Variants in CHODL observed in about 807,000 individuals in gnomAD.
The protein encoded by CHODL is transmembrane protein MT75.
A neutral mutation model predicts 34.5 loss-of-function variants in CHODL; 29 were observed. The observed-to-expected ratio is 0.84, with a 90% CI of 0.63 to 1.15. The LOEUF is 1.15. CHODL is among the 50% of genes most tolerant of loss of function. The probability of loss-of-function intolerance (pLI) is 0.00; values close to 1 mark genes in which losing one functional copy is unlikely to be tolerated. For missense variants in CHODL, 332 were observed against 332.5 expected, an observed-to-expected ratio of 1.00 and a Z score of 0.01; for synonymous variants, 125 against 116.1, an observed-to-expected ratio of 1.08 and a Z score of -0.49.
intron 2 of CHODL, among the ~76,000 whole-genome samples, chr21:18,157,934 T>C (rs1485971434): frequency 2.0e-5 from 3 of 149,962 alleles, no homozygotes; most frequent in African/African-American, 7.4e-5. Flanking sequence ...AAACTGAAAA[T>C]AAATCTATTC....
chr21:17,945,963 GA>G (rs778395500), intron 1 of CHODL, among the ~76,000 whole-genome samples: 2 of 151,348 alleles, frequency 1.3e-5, no homozygotes, highest in Non-Finnish European at 1.5e-5. Context: ...AGTGCTGAAT[GA>G]AAAAAAAGTC....
intron 1 of CHODL, among the ~76,000 whole-genome samples, chr21:18,018,818 A>G (rs2064100378): frequency 6.6e-6 from 1 of 152,238 alleles, no homozygotes; most frequent in South Asian, 2.1e-4. Flanking sequence ...TGCTCCTTGT[A>G]TCTAAAATAA....
intron 1 of CHODL, among the ~76,000 whole-genome samples, chr21:17,954,287 G>A (rs1052515261): frequency 6.6e-6 from 1 of 152,080 alleles, no homozygotes; most frequent in Non-Finnish European, 1.5e-5. Context: ...CAGAAATAAA[G>A]GAAAGAAGAG....
intron 2 of CHODL, among the ~76,000 whole-genome samples, chr21:18,160,334 T>A (rs2073081424): frequency 6.6e-6 from 1 of 152,168 alleles, no homozygotes; most frequent in African/African-American, 2.4e-5. Flanking sequence ...TTTTTTCTCT[T>A]CTTTTTTTTA....
chr21:18,262,881 T>C lies in CHODL; in HGVS notation c.725T>C (p.Met242Thr). Residue 242 changes from methionine to threonine, a missense_variant, in exon 5 of 6, where the codon ATG becomes ACG. Met to Thr is a moderately conservative substitution (Grantham distance 81). Coordinates refer to ENST00000299295, the MANE Select transcript of CHODL (RefSeq NM_024944.3). ...LVAFGTCCFQ[M>T]LHKSKGRTKT... ...GCTTTTGGAACCTGTTGTTTCCAGA[T>C]GCTGCATAAAAGGTAAATAACTCAT... 1.3e-6 allele frequency: 2 copies of C among 1,596,122 alleles called. No individual in the cohort carries two copies. The highest frequency in any genetic ancestry group is 2.2e-5 in the South Asian group (2 of 90,696).
chr21:18,106,331 A>T (rs1204016231), intron 2 of CHODL, among the ~76,000 whole-genome samples: 2 of 152,160 alleles, frequency 1.3e-5, no homozygotes, highest in Non-Finnish European at 2.9e-5. Flanking sequence ...TGAAAACCTA[A>T]AATGTACTGA....
chr21:18,028,330 CCT>C (rs1243880166), intron 2 of CHODL, among the ~76,000 whole-genome samples: 1 of 141,758 alleles, frequency 7.1e-6, no homozygotes, highest in Admixed American at 7.6e-5. Flanking sequence ...TTCCTTCCTT[CCT>C]CTCTGTTTCT....
At chr21:18,114,130 C>G (rs575607299) in intron 2 of CHODL, among the ~76,000 whole-genome samples, 1 of 152,202 alleles carries the variant, frequency 6.6e-6, no homozygotes, top group South Asian at 2.1e-4. Flanking sequence ...GGATGGTTAC[C>G]AGATGCTGGG....
chr21:18,181,456 G>A (rs1306920026), intron 2 of CHODL, among the ~76,000 whole-genome samples: 2 of 152,230 alleles, frequency 1.3e-5, no homozygotes, highest in Non-Finnish European at 2.9e-5. Context: ...AGGCTGGAGT[G>A]CACTGGCGGG....
chr21:18,003,568 C>G (rs571492839), intron 1 of CHODL, among the ~76,000 whole-genome samples: 1 of 152,116 alleles, frequency 6.6e-6, no homozygotes. Context: ...GTTAATTATT[C>G]TATAAATAAC....
intron 1 of CHODL, among the ~76,000 whole-genome samples, chr21:17,977,359 TTTTAC>T (rs1470630399): frequency 7.1e-6 from 1 of 140,670 alleles, no homozygotes; most frequent in Non-Finnish European, 1.5e-5. Flanking sequence ...TTGTTGGCTG[TTTTAC>T]TTTTTTTTTT....
chr21:18,121,855 C>G (rs2065483462), intron 2 of CHODL, among the ~76,000 whole-genome samples: 1 of 152,170 alleles, frequency 6.6e-6, no homozygotes, highest in African/African-American at 2.4e-5. Flanking sequence ...ACGTCATCAA[C>G]TAATCTCATA....
At chr21:17,923,418 A>G (rs2063198378) in intron 1 of CHODL, among the ~76,000 whole-genome samples, 1 of 151,924 alleles carries the variant, frequency 6.6e-6, no homozygotes, top group Non-Finnish European at 1.5e-5. Context: ...CTTTCCCACA[A>G]GATCTCAGAG....
chr21:18,203,843 C>T (rs1191229818), intron 2 of CHODL, among the ~76,000 whole-genome samples: 2 of 151,990 alleles, frequency 1.3e-5, no homozygotes, highest in Middle Eastern at 3.2e-3. Flanking sequence ...GAAGTTTGAA[C>T]CAAAGCAAAG....
intron 2 of CHODL, among the ~76,000 whole-genome samples, chr21:18,060,362 G>T (rs2064644528): frequency 6.6e-6 from 1 of 151,986 alleles, no homozygotes; most frequent in Non-Finnish European, 1.5e-5. Flanking sequence ...GGCTGATGCG[G>T]GAGGATCACT....
At chr21:18,090,501 G>T (rs1376336721) in intron 2 of CHODL, among the ~76,000 whole-genome samples, 1 of 151,904 alleles carries the variant, frequency 6.6e-6, no homozygotes, top group Non-Finnish European at 1.5e-5. Flanking sequence ...GGTAATAGAA[G>T]ATAACTTAAA....
chr21:18,061,692 C>T (rs2064667946), intron 2 of CHODL, among the ~76,000 whole-genome samples: 1 of 152,188 alleles, frequency 6.6e-6, no homozygotes, highest in East Asian at 1.9e-4. Flanking sequence ...ACAAAAGACT[C>T]TCCACAATTT....
intron 1 of CHODL, among the ~76,000 whole-genome samples, chr21:17,966,670 C>T (rs1298437587): frequency 3.3e-5 from 5 of 152,064 alleles, no homozygotes; most frequent in African/African-American, 9.7e-5. Flanking sequence ...CAGGATTTTC[C>T]CATCAAATTT....
intron 2 of CHODL, among the ~76,000 whole-genome samples, chr21:18,151,625 G>A (rs924495623): frequency 2.6e-5 from 4 of 152,182 alleles, no homozygotes; most frequent in East Asian, 1.9e-4. Flanking sequence ...TGGAGGTCCC[G>A]AATTACAACT....
Sources: allele counts gnomAD v4.1 joint callset (sites outside exome capture counted in the v4.1 genomes callset), GRCh38; gene constraint gnomAD v4.1.1; transcripts MANE v1.5; gene names NCBI Gene and HGNC (gene_info 2026-07-23, HGNC 2026-07-21).